Variants in EYS observed in about 807,000 individuals in gnomAD.
The protein encoded by EYS is protein eyes shut homolog.
Under a neutral mutation model 282.1 loss-of-function variants are expected in EYS, and 250 were observed. That is an observed-to-expected ratio of 0.89 (90% CI 0.80 to 0.98). The LOEUF is 0.98. EYS is among the 50% of genes least tolerant of loss of function. The pLI is 0.00. For missense variants in EYS, 4,016 were observed against 3,709.0 expected (o/e 1.08, Z -2.15); for synonymous variants, 1,355 against 1,282.9 (o/e 1.06, Z -1.20).
At chr6:63,909,879 C>T (rs1193014035) in intron 35 of EYS, among the ~76,000 whole-genome samples, 3 of 152,136 alleles carry the variant, frequency 2.0e-5, no homozygotes, top group Non-Finnish European at 4.4e-5. Flanking sequence ...AACCATGACA[C>T]TACATACAGC....
intron 8 of EYS, among the ~76,000 whole-genome samples, chr6:65,374,121 C>T (rs757571943): frequency 6.6e-5 from 10 of 152,172 alleles, no homozygotes; most frequent in Non-Finnish European, 1.5e-4. Context: ...CTCCACTCTG[C>T]AGCTCTCAGC....
intron 30 of EYS, among the ~76,000 whole-genome samples, chr6:64,268,518 AG>A (rs1485354580): frequency 6.6e-6 from 1 of 152,156 alleles, no homozygotes; most frequent in East Asian, 1.9e-4. Flanking sequence ...AACACATTTG[AG>A]GAGGTGTAAT....
chr6:64,303,249 C>T (rs1459623224), intron 30 of EYS, among the ~76,000 whole-genome samples: 1 of 152,214 alleles, frequency 6.6e-6, no homozygotes, highest in Non-Finnish European at 1.5e-5. Flanking sequence ...TCCTTAGTAA[C>T]AGCACACATG....
At chr6:63,796,512 A>G (rs937863903) in intron 37 of EYS, among the ~76,000 whole-genome samples, 2 of 152,220 alleles carry the variant, frequency 1.3e-5, no homozygotes, top group Non-Finnish European at 2.9e-5. Context: ...TAAATTTCCT[A>G]AAGTATTTCA....
At chr6:65,575,711 G>A (rs538777758) in intron 2 of EYS, among the ~76,000 whole-genome samples, 42 of 150,998 alleles carry the variant, frequency 2.8e-4, no homozygotes, top group Non-Finnish European at 5.2e-4. Context: ...GACCAACAGG[G>A]AAAAAAAAGA....
At chr6:64,760,841 T>G (rs1320856601) in intron 22 of EYS, among the ~76,000 whole-genome samples, 3 of 152,116 alleles carry the variant, frequency 2.0e-5, no homozygotes, top group African/African-American at 7.2e-5. Flanking sequence ...CTCAGAGAAC[T>G]GGTAAGATGA....
At chr6:64,812,919 A>G (rs570052377) in intron 22 of EYS, among the ~76,000 whole-genome samples, 7 of 152,182 alleles carry the variant, frequency 4.6e-5, no homozygotes, top group African/African-American at 1.7e-4. Context: ...GTTCAAAAAT[A>G]TAGTGATTGA....
chr6:64,877,998 T>C, intron 19 of EYS, among the ~76,000 whole-genome samples: 1 of 152,144 alleles, frequency 6.6e-6, no homozygotes, highest in Non-Finnish European at 1.5e-5. Flanking sequence ...TTTGATAGGC[T>C]GAGGCAGGCA....
At chr6:64,192,811 G>A (rs1166506564) in intron 31 of EYS, among the ~76,000 whole-genome samples, 1 of 152,144 alleles carries the variant, frequency 6.6e-6, no homozygotes, top group Admixed American at 6.5e-5. Context: ...ACGGCATAAT[G>A]GAGAGGTACA....
intron 12 of EYS, among the ~76,000 whole-genome samples, chr6:65,061,112 GT>G (rs1306694719): frequency 2.0e-5 from 3 of 151,872 alleles, no homozygotes; most frequent in African/African-American, 7.2e-5. Context: ...TTCAGAGTGT[GT>G]TCCACATGAT....
intron 29 of EYS, among the ~76,000 whole-genome samples, chr6:64,385,468 G>A (rs1208607097): frequency 6.6e-6 from 1 of 152,122 alleles, no homozygotes; most frequent in Non-Finnish European, 1.5e-5. Flanking sequence ...TAATTTCAAG[G>A]TAACTTTATT....
At chr6:64,473,172 G>A (rs142274440) in intron 26 of EYS, among the ~76,000 whole-genome samples, 2,483 of 152,134 alleles carry the variant, frequency 0.016, 23 homozygotes, top group South Asian at 0.035. Context: ...TAAAACTCTG[G>A]GGATATTTGC....
intron 12 of EYS, among the ~76,000 whole-genome samples, chr6:65,097,085 AAAGCC>A (rs1430161311): frequency 0.011 from 1,674 of 151,220 alleles, 32 homozygotes; most frequent in African/African-American, 0.038. Flanking sequence ...AAATATTTGC[AAAGCC>A]CATATCTGAT....
At chr6:64,361,573 G>T (rs1236047351) in intron 29 of EYS, among the ~76,000 whole-genome samples, 1 of 151,706 alleles carries the variant, frequency 6.6e-6, no homozygotes, top group Non-Finnish European at 1.5e-5. Flanking sequence ...TTGTATTGTT[G>T]CTGTAATAAA....
At chr6:64,138,620 T>G (rs138023244) in intron 31 of EYS, among the ~76,000 whole-genome samples, 1 of 151,970 alleles carries the variant, frequency 6.6e-6, no homozygotes, top group Admixed American at 6.6e-5. Context: ...TTTGGGAGAG[T>G]GCTGCTGATT....
chr6:64,229,758 C>T (rs1167432134), intron 31 of EYS, among the ~76,000 whole-genome samples: 1 of 152,138 alleles, frequency 6.6e-6, no homozygotes, highest in Non-Finnish European at 1.5e-5. Flanking sequence ...TACACATACA[C>T]AAACACACCC....
At chr6:63,737,640 T>C (rs1768954223) in intron 41 of EYS, among the ~76,000 whole-genome samples, 1 of 152,192 alleles carries the variant, frequency 6.6e-6, no homozygotes, top group Non-Finnish European at 1.5e-5. Context: ...TTTCTATTGA[T>C]TGGAATAGTT....
At chr6:64,703,285 A>T (rs1334672931) in intron 22 of EYS, among the ~76,000 whole-genome samples, 2 of 150,184 alleles carry the variant, frequency 1.3e-5, no homozygotes, top group Non-Finnish European at 3.0e-5. Context: ...GTTGTATTGA[A>T]ATATAGTGCC....
At chr6:64,557,125 T>G (rs1405366484) in intron 26 of EYS, among the ~76,000 whole-genome samples, 1 of 151,522 alleles carries the variant, frequency 6.6e-6, no homozygotes, top group African/African-American at 2.4e-5. Context: ...CCTAAAGAAT[T>G]CAGTTTGCCT....
Sources: gnomAD v4.1 joint callset for allele counts (sites outside exome capture counted in the v4.1 genomes callset) on GRCh38, gnomAD v4.1.1 for gene constraint, MANE v1.5 for transcripts, NCBI Gene and HGNC (gene_info 2026-07-23, HGNC 2026-07-21) for gene names.